Variants in CFH observed in about 807,000 individuals in gnomAD.
The protein encoded by CFH is H factor 1 (complement).
A neutral mutation model predicts 147.3 loss-of-function variants in CFH; 53 were observed. The observed-to-expected ratio is 0.36, with a 90% confidence interval of 0.29 to 0.45. The LOEUF is 0.45. Ranked by LOEUF, CFH falls within the 20% of genes least tolerant of loss-of-function variation. CFH has a pLI of 1.00. For missense variants in CFH, 1,380 were observed against 1,498.0 expected (o/e 0.92, Z 1.30); for synonymous variants, 536 against 489.4 (o/e 1.10, Z -1.26).
Position 196,740,753 on chromosome 1 carries a change from T to C in CFH, c.2917T>C (p.Cys973Arg). ...FGIDGPAIAK[C>R]LGEKWSHPPS... ...AATTGATGGGCCTGCAATTGCAAAA[T>C]GCTTAGGAGAAAAATGGTCTCACCC... is the stretch of plus-strand genomic sequence containing the variant. Residue 973 changes from cysteine to arginine, a missense_variant, in exon 18 of 22, where the codon TGC (cysteine) becomes CGC (arginine). Transcript: ENST00000367429. The C allele has an allele frequency of 6.2e-7, 1 of 1,614,014 alleles. No homozygotes were observed. Among genetic ancestry groups the C allele is most frequent in the Non-Finnish European group, 8.5e-7 (1 of 1,179,954 alleles).
chr1:196,706,183 C>T (rs1668584640), intron 9 of CFH, among the ~76,000 whole-genome samples: 1 of 152,092 alleles, frequency 6.6e-6, no homozygotes, highest in South Asian at 2.1e-4. Flanking sequence ...GTAAAGACTC[C>T]TGAGTCACCG....
chr1:196,743,063 T>C (rs1330652969), intron 19 of CFH, among the ~76,000 whole-genome samples: 3 of 152,178 alleles, frequency 2.0e-5, no homozygotes, highest in African/African-American at 7.2e-5. Context: ...AAAAATCTGG[T>C]ATCACATAAT....
chr1:196,676,073 TA>T lies in CFH; in HGVS notation c.427+12del. 6.5e-7 allele frequency: 1 copy of T among 1,534,006 alleles called. No individual in the cohort carries two copies. The highest frequency in any genetic ancestry group is 9.0e-7 in the Non-Finnish European group (1 of 1,110,250). ...ATATTCCTATATGTGAAGGTAGACA[TA>T]AAATGTATTTACAAGTATATTGAAA... On this transcript the variant is annotated intron_variant, in intron 4 of 21. Transcript: ENST00000367429.
At chr1:196,728,959 T>C (rs1231605369) in intron 15 of CFH, among the ~76,000 whole-genome samples, 1 of 151,082 alleles carries the variant, frequency 6.6e-6, no homozygotes, top group Admixed American at 6.7e-5. Flanking sequence ...TCTCTCTGTC[T>C]ATTCATCTAC....
intron 21 of CFH, among the ~76,000 whole-genome samples, chr1:196,746,629 G>T (rs1182327556): frequency 6.6e-6 from 1 of 152,056 alleles, no homozygotes; most frequent in Non-Finnish European, 1.5e-5. Flanking sequence ...TTAGCATTGG[G>T]TGTAGGTGGG....
At chr1:196,717,239 G>A (rs560895564) in intron 11 of CFH, among the ~76,000 whole-genome samples, 2 of 152,180 alleles carry the variant, frequency 1.3e-5, no homozygotes, top group African/African-American at 2.4e-5. Context: ...GGCCAACACA[G>A]CAAGTCTATT....
chr1:196,661,696 T>C (rs1166950476), intron 1 of CFH, among the ~76,000 whole-genome samples: 1 of 151,892 alleles, frequency 6.6e-6, no homozygotes, highest in East Asian at 1.9e-4. Context: ...AAATTGGGGG[T>C]TGTGGGGAGG....
chr1:196,666,152 A>G (rs1244691882), intron 1 of CFH, among the ~76,000 whole-genome samples: 1 of 152,228 alleles, frequency 6.6e-6, no homozygotes, highest in African/African-American at 2.4e-5. Context: ...ATGCCAGTAT[A>G]GGTCACATCC....
At chr1:196,670,296 G>T (rs941955734) in intron 1 of CFH, among the ~76,000 whole-genome samples, 1 of 152,092 alleles carries the variant, frequency 6.6e-6, no homozygotes, top group East Asian at 1.9e-4. Context: ...TGTTGGGAAG[G>T]CATGATTATG....
rs936688203 is a variant in CFH, at chr1:196,714,037, A to G, written c.1519+120A>G. 2.5e-5 allele frequency: 22 copies of G among 878,838 alleles called. No homozygotes were observed. In the African/African-American group the frequency reaches 3.8e-4, roughly 15 times the overall value. 54.4% of individuals were successfully genotyped at this position (878,838 alleles called of 1,614,324 possible). A position where few individuals can be genotyped will look rare whatever the true frequency, so the allele number is the denominator to read the frequency against. ...GAAAAGATAAGAAAAAAAAACCTGC[A>G]GGAACAAAGCAGACATCAATTTTTT... On this transcript the variant is annotated intron_variant, in intron 10 of 21. Transcript: ENST00000367429.
intron 12 of CFH, among the ~76,000 whole-genome samples, 196 bp downstream of exon 12, chr1:196,725,493 G>A (rs1303047772): frequency 2.0e-5 from 3 of 152,102 alleles, no homozygotes; most frequent in African/African-American, 7.2e-5. Context: ...TTTCTTGAAC[G>A]ATGTGCTGGA....
intron 12 of CFH, among the ~76,000 whole-genome samples, 186 bp downstream of exon 12, chr1:196,725,483 T>C (rs1389063914): frequency 6.6e-6 from 1 of 152,196 alleles, no homozygotes; most frequent in Admixed American, 6.5e-5. Flanking sequence ...ATCTCCACTG[T>C]TTCTTGAACG....
At chr1:196,653,188 A>G (rs919282655) in intron 1 of CFH, among the ~76,000 whole-genome samples, 1 of 151,762 alleles carries the variant, frequency 6.6e-6, no homozygotes, top group African/African-American at 2.4e-5. Context: ...CACTTTGGTA[A>G]TTTAAAAAAT....
chr1:196,683,790 C>G (rs972940045), intron 6 of CFH, among the ~76,000 whole-genome samples: 52 of 151,742 alleles, frequency 3.4e-4, no homozygotes, highest in African/African-American at 1.3e-3. Context: ...CTCACTACTG[C>G]TGGTCTCAAT....
intron 15 of CFH, among the ~76,000 whole-genome samples, chr1:196,732,671 G>T (rs1242382438): frequency 1.3e-5 from 2 of 151,960 alleles, no homozygotes; most frequent in Admixed American, 6.6e-5. Flanking sequence ...TCAAGTCTTT[G>T]TGCGGACTGC....
intron 1 of CFH, among the ~76,000 whole-genome samples, chr1:196,657,568 A>G (rs1406445358): frequency 6.6e-6 from 1 of 152,236 alleles, no homozygotes; most frequent in Non-Finnish European, 1.5e-5. Flanking sequence ...GTCCTGGAAT[A>G]TATATCCCCT....
intron 9 of CFH, among the ~76,000 whole-genome samples, chr1:196,695,060 T>C (rs574714703): frequency 1.3e-5 from 2 of 152,366 alleles, no homozygotes; most frequent in East Asian, 1.9e-4. Flanking sequence ...TTTGGTGTTT[T>C]AGTCATGAAG....
At chr1:196,744,381 C>T (rs1471668998) in intron 20 of CFH, among the ~76,000 whole-genome samples, 2 of 152,018 alleles carry the variant, frequency 1.3e-5, no homozygotes, top group Non-Finnish European at 2.9e-5. Flanking sequence ...TGCCTGTTTC[C>T]TCTGGGTTTC....
intron 11 of CFH, among the ~76,000 whole-genome samples, chr1:196,719,914 G>T (rs1277402647): frequency 6.6e-6 from 1 of 151,328 alleles, no homozygotes; most frequent in African/African-American, 2.4e-5. Flanking sequence ...TATTAATTAT[G>T]TGTTTTTTAT....
Sources: gnomAD v4.1 joint callset for allele counts (sites outside exome capture counted in the v4.1 genomes callset) on GRCh38, gnomAD v4.1.1 for gene constraint, MANE v1.5 for transcripts, NCBI Gene and HGNC (gene_info 2026-07-23, HGNC 2026-07-21) for gene names.